KLRF2: variants seen among roughly 807,000 people sequenced by gnomAD.
KLRF2 encodes the protein killer cell lectin-like receptor subfamily F member 2.
In KLRF2, 28 loss-of-function variants were observed where a neutral mutation model predicts 25.3. That is an observed-to-expected ratio of 1.11 (90% CI 0.82 to 1.52). The LOEUF (loss-of-function observed/expected upper bound fraction) is 1.52, where lower values mean the gene tolerates loss of function less well. Among genes scored for constraint, KLRF2 ranks in the 40% most tolerant of loss-of-function variants. The pLI is 0.00. For missense variants in KLRF2, 265 were observed against 245.8 expected (o/e 1.08, Z -0.52); for synonymous variants, 73 against 85.0 (o/e 0.86, Z 0.78).
At position 9,892,615 on chromosome 12, in the gene KLRF2, G is replaced by A. The variant is rs189202928; in HGVS notation, c.218-405G>A. Among the ~76,000 whole-genome samples the A allele has an allele frequency of 2.2e-3, 263 of 117,760 alleles. 1 individual carries two copies. Among genetic ancestry groups the A allele is most frequent in the African/African-American group, 7.5e-3 (230 of 30,492 alleles). The allele number at this position is 117,760 out of a possible 152,430, so 77.3% of individuals were successfully genotyped here. A position where few individuals can be genotyped will look rare whatever the true frequency, so the allele number is the denominator to read the frequency against. On this transcript the variant is annotated intron_variant, in intron 3 of 5. Transcript: ENST00000535540. ...TTTTTTTTTTTTGAGACAGAGTTTC[G>A]CTCTTGTTGCCCAGGCTGGAGTGTA... is the stretch of plus-strand genomic sequence containing the variant.
chr12:9,890,641 C>T (rs903783745), intron 3 of KLRF2, among the ~76,000 whole-genome samples: 1 of 152,238 alleles, frequency 6.6e-6, no homozygotes, highest in Non-Finnish European at 1.5e-5. Flanking sequence ...CATGGACTTA[C>T]ATCTGATTAA....
chr12:9,894,942 G>C (rs1203539086), intron 5 of KLRF2, among the ~76,000 whole-genome samples: 1 of 151,968 alleles, frequency 6.6e-6, no homozygotes, highest in Non-Finnish European at 1.5e-5. Flanking sequence ...TATCATTTAA[G>C]GAAAACAACA....
intron 5 of KLRF2, among the ~76,000 whole-genome samples, chr12:9,894,124 C>CG (rs1862724484): frequency 1.1e-5 from 1 of 94,460 alleles, no homozygotes; most frequent in Non-Finnish European, 2.1e-5. Context: ...TCTTTCTTTT[C>CG]TTTCTCTCTC....
intron 2 of KLRF2, among the ~76,000 whole-genome samples, chr12:9,887,272 A>G (rs1454434049): frequency 6.6e-6 from 1 of 152,186 alleles, no homozygotes; most frequent in Admixed American, 6.5e-5. Flanking sequence ...ACATAGAAAG[A>G]GATGATAGAT....
At chr12:9,883,959 A>G (rs1868122184) in intron 1 of KLRF2, among the ~76,000 whole-genome samples, 1 of 152,190 alleles carries the variant, frequency 6.6e-6, no homozygotes, top group Non-Finnish European at 1.5e-5. Flanking sequence ...TAGATAAAAG[A>G]ATAAAAAATA....
intron 2 of KLRF2, among the ~76,000 whole-genome samples, chr12:9,885,479 G>C (rs1862584199): frequency 6.6e-6 from 1 of 151,588 alleles, no homozygotes; most frequent in Admixed American, 6.6e-5. Context: ...TGATTTTTCT[G>C]TCTTGCTTTT....
chr12:9,888,827 A>G (rs1347993380), intron 3 of KLRF2, 47 bp downstream of exon 3: 2 of 1,197,818 alleles, frequency 1.7e-6, no homozygotes, highest in Admixed American at 4.1e-5. Flanking sequence ...GGGTAAATTT[A>G]GTTTTGGCTT....
intron 4 of KLRF2, 113 bp downstream of exon 4, chr12:9,893,281 C>T (rs1862708254): frequency 9.2e-6 from 9 of 975,920 alleles, no homozygotes; most frequent in African/African-American, 1.6e-5. Flanking sequence ...ATGTGTTAGC[C>T]ACAATGTAGT....
At chr12:9,892,956 T>C (rs1862698232) in intron 3 of KLRF2, 64 bp from the exon 4 acceptor site, 9 of 1,275,374 alleles carry the variant, frequency 7.1e-6, no homozygotes, top group Non-Finnish European at 9.6e-6. Flanking sequence ...TCACATTTGA[T>C]AATATTTCTA....
At chr12:9,889,577 T>C (rs118021813) in intron 3 of KLRF2, among the ~76,000 whole-genome samples, 4,360 of 152,126 alleles carry the variant, frequency 0.029, 97 homozygotes, top group Middle Eastern at 0.054. Context: ...ATTCTGTGCG[T>C]TTTGGACTTG....
intron 1 of KLRF2, among the ~76,000 whole-genome samples, chr12:9,884,615 ATATGT>A (rs1156406033): frequency 1.4e-5 from 2 of 147,958 alleles, no homozygotes; most frequent in African/African-American, 2.5e-5. Context: ...ATTTTATATA[ATATGT>A]TATAACAAAT....
rs58165867 is a variant in KLRF2 at position 9,893,257 on chromosome 12, C to T, written c.366+89C>T. On this transcript the variant is annotated intron_variant, in intron 4 of 5. Coordinates refer to ENST00000535540, the MANE Select transcript of KLRF2 (RefSeq NM_001190765.1). The stretch of plus-strand genomic sequence containing the variant: ...CTAAGAAGCTTGGGAGGTTTATTGT[C>T]GTTGCTTCTGAACATGTGTTAGCCA... The T allele has an allele frequency of 1.7e-3, 2,082 of 1,258,706 alleles. 32 individuals are homozygous for T. The African/African-American group carries it at 0.028, about 17-fold the overall frequency. 78.0% of individuals were successfully genotyped at this position (1,258,706 alleles called of 1,614,324 possible). A position where few individuals can be genotyped will look rare whatever the true frequency, so the allele number is the denominator to read the frequency against.
intron 3 of KLRF2, 59 bp downstream of exon 3, chr12:9,888,839 C>A: frequency 9.5e-7 from 1 of 1,052,182 alleles, no homozygotes; most frequent in Non-Finnish European, 1.4e-6. Context: ...TTTTGGCTTC[C>A]CTCTTCCTGG....
chr12:9,894,126 T>TTCTTTCTC (rs1555127271), intron 5 of KLRF2, among the ~76,000 whole-genome samples: 3 of 130,200 alleles, frequency 2.3e-5, no homozygotes, highest in Non-Finnish European at 3.2e-5. Flanking sequence ...TTTCTTTTCT[T>TTCTTTCTC]TCTCTCTCTC....
chr12:9,889,003 T>G (rs1011169613), intron 3 of KLRF2, among the ~76,000 whole-genome samples: 2 of 152,156 alleles, frequency 1.3e-5, no homozygotes, highest in African/African-American at 4.8e-5. Flanking sequence ...AAATAGGGTT[T>G]TAGTGAGTCA....
chr12:9,894,832 G>A (rs1258597301), intron 5 of KLRF2, among the ~76,000 whole-genome samples: 2 of 151,782 alleles, frequency 1.3e-5, no homozygotes, highest in African/African-American at 2.4e-5. Flanking sequence ...AAAAAAGTAA[G>A]ATTTATTACT....
intron 3 of KLRF2, among the ~76,000 whole-genome samples, chr12:9,891,262 G>C (rs949192334): frequency 6.6e-6 from 1 of 152,160 alleles, no homozygotes; most frequent in South Asian, 2.1e-4. Context: ...GCATCTAATA[G>C]AGCAGTTGAT....
At chr12:9,888,406 C>T (rs1862628272) in intron 2 of KLRF2, among the ~76,000 whole-genome samples, 1 of 151,706 alleles carries the variant, frequency 6.6e-6, no homozygotes, top group Non-Finnish European at 1.5e-5. Flanking sequence ...AGGAGAATGG[C>T]GAGAACCTGG....
intron 4 of KLRF2, 103 bp downstream of exon 4, chr12:9,893,271 ATG>A: frequency 1.8e-6 from 2 of 1,093,746 alleles, no homozygotes; most frequent in Non-Finnish European, 1.3e-6. Flanking sequence ...GCTTCTGAAC[ATG>A]TGTTAGCCAC....
Sources: allele counts gnomAD v4.1 joint callset (sites outside exome capture counted in the v4.1 genomes callset), GRCh38; gene constraint gnomAD v4.1.1; transcripts MANE v1.5; gene names NCBI Gene and HGNC (gene_info 2026-07-23, HGNC 2026-07-21).